ROBO1: variants seen among roughly 807,000 people sequenced by gnomAD.
ROBO1 encodes the protein roundabout guidance receptor 1.
In ROBO1, 149 loss-of-function variants were observed where a neutral mutation model predicts 195.9. The observed-to-expected ratio is 0.76, with a 90% CI of 0.67 to 0.87. The LOEUF (loss-of-function observed/expected upper bound fraction) is 0.87, where lower values mean the gene tolerates loss of function less well. ROBO1 is among the 40% of genes least tolerant of loss of function. ROBO1 has a pLI of 0.00. For missense variants in ROBO1, 1,933 were observed against 2,068.3 expected, an observed-to-expected ratio of 0.93 and a Z score of 1.27; for synonymous variants, 816 against 733.2, an observed-to-expected ratio of 1.11 and a Z score of -1.82.
intron 3 of ROBO1, among the ~76,000 whole-genome samples, chr3:79,023,992 G>C (rs559167391): frequency 6.6e-6 from 1 of 151,858 alleles, no homozygotes; most frequent in Admixed American, 6.5e-5. Flanking sequence ...TTACAGGCGT[G>C]AGCCACCGCG....
chr3:79,247,676 A>C (rs188100459), intron 2 of ROBO1, among the ~76,000 whole-genome samples: 1 of 152,166 alleles, frequency 6.6e-6, no homozygotes, highest in Admixed American at 6.6e-5. Context: ...CAGTCCACAA[A>C]AAGAAAAAAT....
rs187547887 is a variant in ROBO1, at chr3:79,236,461, A to T, written c.89-110922T>A. On this transcript the variant is annotated intron_variant, in intron 2 of 30. Coordinates refer to ENST00000464233, the MANE Select transcript of ROBO1 (RefSeq NM_002941.4). Reference sequence around the variant, plus strand: ...GTGTAACCTCACTCTCATATATCATATATACGAAAATTATATACATAAAAA... The same window carrying T: ...GTGTAACCTCACTCTCATATATCATTTATACGAAAATTATATACATAAAAA... Among the ~76,000 whole-genome samples the T allele has an allele frequency of 1.6e-3, 242 of 152,328 alleles. 1 individual carries two copies. Among genetic ancestry groups the T allele is most frequent in the South Asian group, 4.4e-3 (21 of 4,820 alleles).
intron 3 of ROBO1, among the ~76,000 whole-genome samples, chr3:78,955,539 G>A (rs566691883): frequency 2.6e-5 from 4 of 152,146 alleles, no homozygotes; most frequent in African/African-American, 9.6e-5. Flanking sequence ...ATATTTATGA[G>A]TTCTTTGTCT....
intron 4 of ROBO1, among the ~76,000 whole-genome samples, chr3:78,754,017 T>C (rs1316925292): frequency 6.6e-6 from 1 of 152,234 alleles, no homozygotes; most frequent in Non-Finnish European, 1.5e-5. Context: ...AAGTCTAGAA[T>C]GTCAGAATCA....
At chr3:78,889,530 A>G (rs2036760579) in intron 4 of ROBO1, among the ~76,000 whole-genome samples, 1 of 152,174 alleles carries the variant, frequency 6.6e-6, no homozygotes, top group Non-Finnish European at 1.5e-5. Context: ...TGCACACATG[A>G]TGTTTCTTCC....
chr3:78,912,453 T>C (rs1227088686), intron 4 of ROBO1, among the ~76,000 whole-genome samples: 1 of 152,116 alleles, frequency 6.6e-6, no homozygotes, highest in African/African-American at 2.4e-5. Context: ...TTGGCCATTT[T>C]AACCAGGATA....
chr3:78,859,531 A>T lies in ROBO1; in HGVS notation c.499+79070T>A, dbSNP rs149302608. ...TCAACCTATAGTGATAATATCTAGAATAGGACCAAGGGAATATAGAGGAAG... is the reference window on the plus strand; with the variant it reads ...TCAACCTATAGTGATAATATCTAGATTAGGACCAAGGGAATATAGAGGAAG... On this transcript the variant is annotated intron_variant, in intron 4 of 30. Transcript: ENST00000464233. Among the ~76,000 whole-genome samples the T allele has an allele frequency of 4.6e-5, 7 of 152,314 alleles. No homozygotes were observed. The East Asian group carries it at 1.4e-3, about 29-fold the overall frequency.
chr3:79,302,651 T>C (rs1206562609), intron 2 of ROBO1, among the ~76,000 whole-genome samples: 1 of 152,212 alleles, frequency 6.6e-6, no homozygotes, highest in Non-Finnish European at 1.5e-5. Context: ...ATCGTTGTTT[T>C]AAAATTAGAA....
intron 8 of ROBO1, among the ~76,000 whole-genome samples, chr3:78,698,473 T>C (rs1026261643): frequency 1.3e-5 from 2 of 152,176 alleles, no homozygotes; most frequent in African/African-American, 2.4e-5. Flanking sequence ...AATGGATACA[T>C]AAAATACTAT....
chr3:79,547,028 A>C (rs923587865), intron 2 of ROBO1, among the ~76,000 whole-genome samples: 1 of 151,696 alleles, frequency 6.6e-6, no homozygotes, highest in South Asian at 2.1e-4. Context: ...AAAAATACAA[A>C]AACAAAATTA....
chr3:79,141,864 A>G (rs1197835582), intron 2 of ROBO1, among the ~76,000 whole-genome samples: 3 of 152,042 alleles, frequency 2.0e-5, no homozygotes, highest in Non-Finnish European at 4.4e-5. Context: ...CACATACTAC[A>G]TATACACTAT....
intron 3 of ROBO1, among the ~76,000 whole-genome samples, chr3:79,009,959 C>T (rs940861006): frequency 1.3e-5 from 2 of 152,128 alleles, no homozygotes; most frequent in Non-Finnish European, 2.9e-5. Flanking sequence ...CAAATTTATT[C>T]CACAAACTGA....
chr3:79,049,242 A>T (rs952002055), intron 3 of ROBO1, among the ~76,000 whole-genome samples: 1 of 152,158 alleles, frequency 6.6e-6, no homozygotes, highest in Non-Finnish European at 1.5e-5. Context: ...CGAGAACTTC[A>T]TGATGCATTC....
chr3:79,283,459 T>C (rs1020641193), intron 2 of ROBO1, among the ~76,000 whole-genome samples: 15 of 152,226 alleles, frequency 9.9e-5, no homozygotes, highest in Non-Finnish European at 1.6e-4. Context: ...CTCAGAGTCC[T>C]GACACTATTG....
intron 1 of ROBO1, among the ~76,000 whole-genome samples, chr3:79,597,546 G>A (rs1258193936): frequency 1.3e-5 from 2 of 151,734 alleles, no homozygotes; most frequent in African/African-American, 4.8e-5. Context: ...GTTACATTTA[G>A]CTTAAGTACT....
intron 2 of ROBO1, among the ~76,000 whole-genome samples, chr3:79,287,578 T>G (rs1284828358): frequency 6.6e-6 from 1 of 152,180 alleles, no homozygotes; most frequent in African/African-American, 2.4e-5. Context: ...TATCCCCATC[T>G]TCCAGATGGT....
chr3:79,515,892 G>T (rs1940922674), intron 2 of ROBO1, among the ~76,000 whole-genome samples: 1 of 152,058 alleles, frequency 6.6e-6, no homozygotes, highest in South Asian at 2.1e-4. Context: ...CTTTGCATCA[G>T]TATATTTTAC....
chr3:79,449,913 T>C (rs910726955), intron 2 of ROBO1, among the ~76,000 whole-genome samples: 1 of 152,086 alleles, frequency 6.6e-6, no homozygotes, highest in Non-Finnish European at 1.5e-5. Flanking sequence ...ATCCTTATTG[T>C]ACATATGAGG....
intron 3 of ROBO1, among the ~76,000 whole-genome samples, chr3:78,991,291 T>C (rs2077231675): frequency 2.0e-5 from 3 of 152,154 alleles, no homozygotes; most frequent in Admixed American, 6.6e-5. Flanking sequence ...AGGAATTAAA[T>C]AGAGCTGCAG....
Sources: gnomAD v4.1 joint callset for allele counts (sites outside exome capture counted in the v4.1 genomes callset) on GRCh38, gnomAD v4.1.1 for gene constraint, MANE v1.5 for transcripts, NCBI Gene and HGNC (gene_info 2026-07-23, HGNC 2026-07-21) for gene names.